CBLN2: variants seen among roughly 807,000 people sequenced by gnomAD.
CBLN2 encodes cerebellin-2.
In CBLN2, 7 loss-of-function variants were observed where a neutral mutation model predicts 15.0. The observed-to-expected ratio is 0.47, with a 90% CI of 0.27 to 0.88. The LOEUF is 0.88. Among genes scored for constraint, CBLN2 ranks in the 40% least tolerant of loss-of-function variants. The probability of loss-of-function intolerance (pLI) is 0.14; values close to 1 mark genes in which losing one functional copy is unlikely to be tolerated. For synonymous variants in CBLN2, 149 were observed against 135.2 expected, an observed-to-expected ratio of 1.10 and a Z score of -0.71; for missense variants, 242 against 304.5, an observed-to-expected ratio of 0.79 and a Z score of 1.53.
intron 1 of CBLN2, among the ~76,000 whole-genome samples, chr18:72,626,679 G>A (rs866935597): frequency 1.3e-5 from 2 of 152,204 alleles, no homozygotes; most frequent in South Asian, 2.1e-4. Flanking sequence ...CAACCTTGGC[G>A]ACAGAGTGAG....
intron 1 of CBLN2, among the ~76,000 whole-genome samples, chr18:72,613,513 A>G (rs183823162): frequency 6.5e-4 from 78 of 120,280 alleles, no homozygotes; most frequent in African/African-American, 1.8e-3. Flanking sequence ...TTAACCTGCA[A>G]TTCCATTTCC....
At chr18:72,584,273 C>T (rs907797375) in intron 1 of CBLN2, among the ~76,000 whole-genome samples, 2 of 151,940 alleles carry the variant, frequency 1.3e-5, no homozygotes, top group Non-Finnish European at 2.9e-5. Context: ...CATACCACAC[C>T]ACCCTCTTGG....
intron 2 of CBLN2, 71 bp from the exon 3 acceptor site, chr18:72,542,397 A>G: frequency 8.3e-6 from 2 of 241,634 alleles, no homozygotes; most frequent in Non-Finnish European, 1.5e-5. Context: ...GACTGGGAGC[A>G]GGTGCCTGCG....
chr18:72,579,636 G>A (rs1035432642), intron 1 of CBLN2, among the ~76,000 whole-genome samples: 2 of 152,052 alleles, frequency 1.3e-5, no homozygotes, highest in African/African-American at 4.8e-5. Context: ...GGAGGCTGAG[G>A]CAGGAGAATT....
At chr18:72,633,372 TACTC>T (rs2069789867) in intron 1 of CBLN2, among the ~76,000 whole-genome samples, 1 of 152,168 alleles carries the variant, frequency 6.6e-6, no homozygotes, top group South Asian at 2.1e-4. Flanking sequence ...AGCCCTGTGT[TACTC>T]ACCACTTTCC....
chr18:72,613,244 G>T (rs1295616480), intron 1 of CBLN2, among the ~76,000 whole-genome samples: 1 of 152,088 alleles, frequency 6.6e-6, no homozygotes, highest in African/African-American at 2.4e-5. Flanking sequence ...TTTAACTTAT[G>T]AATTTAAGGG....
upstream of CBLN2, among the ~76,000 whole-genome samples, chr18:72,546,056 A>G (rs906163686): frequency 1.3e-5 from 2 of 152,222 alleles, no homozygotes; most frequent in African/African-American, 2.4e-5. Flanking sequence ...TAGACTAGAG[A>G]TTATTTTAGA....
chr18:72,635,672 A>G (rs1304099222), intron 1 of CBLN2, among the ~76,000 whole-genome samples: 3 of 152,182 alleles, frequency 2.0e-5, no homozygotes, highest in African/African-American at 7.2e-5. Flanking sequence ...AGAGTTTGAA[A>G]ACAACAAAAT....
chr18:72,571,602 T>C (rs2069332584), intron 1 of CBLN2, among the ~76,000 whole-genome samples: 1 of 152,180 alleles, frequency 6.6e-6, no homozygotes. Context: ...CATGATGAGA[T>C]TTAATTCTGA....
At chr18:72,612,254 T>C (rs1302264591) in intron 1 of CBLN2, among the ~76,000 whole-genome samples, 1 of 152,200 alleles carries the variant, frequency 6.6e-6, no homozygotes, top group Non-Finnish European at 1.5e-5. Flanking sequence ...AATTTTAGAA[T>C]AGTTTTTTTC....
intron 1 of CBLN2, among the ~76,000 whole-genome samples, chr18:72,564,640 T>C (rs2069282590): frequency 6.6e-6 from 1 of 152,200 alleles, no homozygotes; most frequent in Non-Finnish European, 1.5e-5. Flanking sequence ...GAAGAAAATC[T>C]ACAATATTTA....
intron 1 of CBLN2, among the ~76,000 whole-genome samples, chr18:72,571,676 A>G (rs2069333044): frequency 6.6e-6 from 1 of 152,216 alleles, no homozygotes; most frequent in Admixed American, 6.5e-5. Context: ...AGAGAATAAC[A>G]GCAAACTAAA....
Position 72,537,870 on chromosome 18 carries a change from G to A in CBLN2, c.*306C>T, listed in dbSNP as rs633092. 1,450 of 405,672 alleles carry A rather than the reference G, an allele frequency of 3.6e-3. 21 individuals carry two copies. Among genetic ancestry groups the A allele is most frequent in the African/African-American group, 0.028 (1,360 of 49,420 alleles). The allele number at this position is 405,672 out of a possible 1,614,324, so 25.1% of individuals were successfully genotyped here. A position where few individuals can be genotyped will look rare whatever the true frequency, so the allele number is the denominator to read the frequency against. On this transcript the variant is annotated 3_prime_UTR_variant, in exon 5 of 5. Transcript: ENST00000269503. ...AACATACAAACAAAAGAGGTCCATG[G>A]TCCCAACAATAAAATCCGATATTGA...
intron 1 of CBLN2, among the ~76,000 whole-genome samples, chr18:72,613,727 C>T (rs188884836): frequency 1.3e-5 from 2 of 152,276 alleles, no homozygotes; most frequent in African/African-American, 4.8e-5. Context: ...AGTATCTCTA[C>T]ATGAGGCCCC....
Position 72,543,436 on chromosome 18 carries a change from A to T in CBLN2, c.-167+50T>A, listed in dbSNP as rs1386424389. ...CCAGGGAGAGTCTTCGTTAAAATCC[A>T]CGCAGAAGGCGCTTGCATGCGGAGG... On this transcript the variant is annotated intron_variant, in intron 2 of 4. Coordinates refer to ENST00000269503, the MANE Select transcript of CBLN2 (RefSeq NM_182511.4). The surrounding 1 kb of genome is among the most constrained non-coding windows in gnomAD (Gnocchi z 6.8). 2.5e-6 allele frequency: 1 copy of T among 398,292 alleles called. No homozygotes were observed. Among genetic ancestry groups the T allele is most frequent in the Non-Finnish European group, 4.4e-6 (1 of 226,082 alleles). The allele number at this position is 398,292 out of a possible 1,614,324, so 24.7% of individuals were successfully genotyped here. A position where few individuals can be genotyped will look rare whatever the true frequency, so the allele number is the denominator to read the frequency against.
intron 1 of CBLN2, among the ~76,000 whole-genome samples, chr18:72,566,305 C>A (rs746817024): frequency 6.6e-6 from 1 of 152,162 alleles, no homozygotes; most frequent in African/African-American, 2.4e-5. Context: ...ATCTAGCAAT[C>A]CCACTACTAG....
At chr18:72,603,428 G>T (rs2069562186) in intron 1 of CBLN2, among the ~76,000 whole-genome samples, 1 of 152,092 alleles carries the variant, frequency 6.6e-6, no homozygotes, top group Admixed American at 6.6e-5. Context: ...TACTAAATAG[G>T]CAGCATAGTG....
intron 1 of CBLN2, among the ~76,000 whole-genome samples, chr18:72,572,707 T>C (rs1019999805): frequency 6.6e-6 from 1 of 152,124 alleles, no homozygotes; most frequent in Non-Finnish European, 1.5e-5. Flanking sequence ...GTGCATGTCA[T>C]CACGTCCAGC....
At chr18:72,555,959 TG>T (rs1304835024) in intron 1 of CBLN2, among the ~76,000 whole-genome samples, 1 of 152,138 alleles carries the variant, frequency 6.6e-6, no homozygotes, top group African/African-American at 2.4e-5. Flanking sequence ...TCTGTGGCTC[TG>T]GGCTGGTGAC....
Sources: gnomAD v4.1 joint callset for allele counts (sites outside exome capture counted in the v4.1 genomes callset) on GRCh38, gnomAD v4.1.1 for gene constraint, Gnocchi (gnomAD v3.1) non-coding constraint, MANE v1.5 for transcripts, NCBI Gene and HGNC (gene_info 2026-07-23, HGNC 2026-07-21) for gene names.